LRRTM3: variants seen among roughly 807,000 people sequenced by gnomAD.
LRRTM3 encodes the protein leucine rich repeat transmembrane neuronal 3, also known as leucine-rich repeat transmembrane neuronal protein 3.
Under a neutral mutation model 44.7 loss-of-function variants are expected in LRRTM3, and 24 were observed. The observed-to-expected ratio is 0.54, with a 90% CI of 0.39 to 0.76. The LOEUF (loss-of-function observed/expected upper bound fraction) is 0.76. Ranked by LOEUF, LRRTM3 falls within the 30% of genes least tolerant of loss-of-function variation. The pLI is 0.00. For missense variants in LRRTM3, 587 were observed against 702.2 expected (o/e 0.84, Z 1.85); for synonymous variants, 277 against 278.7 (o/e 0.99, Z 0.06).
At chr10:67,039,828 G>A (rs1003086386) in intron 2 of LRRTM3, among the ~76,000 whole-genome samples, 6 of 152,104 alleles carry the variant, frequency 3.9e-5, no homozygotes, top group Non-Finnish European at 8.8e-5. Flanking sequence ...ATTATTGATT[G>A]CTATGTTATA....
At chr10:67,027,436 C>CTTTT (rs5785811) in intron 2 of LRRTM3, among the ~76,000 whole-genome samples, 46 of 134,350 alleles carry the variant, frequency 3.4e-4, no homozygotes, top group Middle Eastern at 4.0e-3. Context: ...TCTTTCATGA[C>CTTTT]TTTTTTTTTT....
intron 2 of LRRTM3, among the ~76,000 whole-genome samples, chr10:66,966,528 A>G (rs916311811): frequency 2.6e-5 from 4 of 151,310 alleles, no homozygotes; most frequent in African/African-American, 4.8e-5. Context: ...TCAAAGAAAT[A>G]GCTAAAAATG....
chr10:67,046,813 C>T (rs1036893991), intron 2 of LRRTM3, among the ~76,000 whole-genome samples: 2 of 152,052 alleles, frequency 1.3e-5, no homozygotes, highest in African/African-American at 4.8e-5. Flanking sequence ...GAATGCATGG[C>T]CCATAATCGA....
chr10:67,004,424 A>T (rs1851857818), intron 2 of LRRTM3, among the ~76,000 whole-genome samples: 1 of 152,244 alleles, frequency 6.6e-6, no homozygotes, highest in Non-Finnish European at 1.5e-5. Context: ...ATGATGACAC[A>T]TGTAAGGACA....
At chr10:66,987,465 A>G (rs1405194427) in intron 2 of LRRTM3, among the ~76,000 whole-genome samples, 1 of 152,168 alleles carries the variant, frequency 6.6e-6, no homozygotes, top group Admixed American at 6.6e-5. Context: ...TTGGGGTCTT[A>G]GCAATCCGAG....
At chr10:67,065,180 G>GA (rs1160233510) in intron 2 of LRRTM3, among the ~76,000 whole-genome samples, 2 of 151,818 alleles carry the variant, frequency 1.3e-5, no homozygotes, top group Non-Finnish European at 2.9e-5. Flanking sequence ...TTTTTTCCTA[G>GA]AAAAAAAGGG....
intron 2 of LRRTM3, among the ~76,000 whole-genome samples, chr10:66,969,593 T>C (rs1230765050): frequency 6.6e-6 from 1 of 152,152 alleles, no homozygotes; most frequent in Non-Finnish European, 1.5e-5. Context: ...ACTGTTTTCA[T>C]GATAATTTGT....
chr10:66,938,725 T>C (rs939405821), intron 2 of LRRTM3, among the ~76,000 whole-genome samples: 18 of 152,200 alleles, frequency 1.2e-4, no homozygotes, highest in African/African-American at 3.9e-4. Flanking sequence ...ATTGCTTGTG[T>C]GTTGTGAATA....
chr10:66,958,439 C>T (rs1848944308), intron 2 of LRRTM3, among the ~76,000 whole-genome samples: 1 of 136,742 alleles, frequency 7.3e-6, no homozygotes, highest in African/African-American at 2.8e-5. Flanking sequence ...TATAGTTCTG[C>T]CTTTGTAGAA....
chr10:67,017,089 T>C (rs1033361840), intron 2 of LRRTM3, among the ~76,000 whole-genome samples: 5 of 152,234 alleles, frequency 3.3e-5, no homozygotes, highest in Non-Finnish European at 2.9e-5. Flanking sequence ...CACAGATTTA[T>C]AGCTAATCAT....
At chr10:67,007,270 C>G (rs539758900) in intron 2 of LRRTM3, among the ~76,000 whole-genome samples, 1 of 152,188 alleles carries the variant, frequency 6.6e-6, no homozygotes, top group African/African-American at 2.4e-5. Flanking sequence ...CCATGTATTT[C>G]CAAGGAATTA....
chr10:66,972,052 T>A (rs1400288444), intron 2 of LRRTM3, among the ~76,000 whole-genome samples: 1 of 152,304 alleles, frequency 6.6e-6, no homozygotes, highest in African/African-American at 2.4e-5. Context: ...ACAGTCTTTA[T>A]AATATCTTGA....
chr10:67,028,536 C>T (rs1003633679), intron 2 of LRRTM3, among the ~76,000 whole-genome samples: 1 of 151,200 alleles, frequency 6.6e-6, no homozygotes, highest in South Asian at 2.1e-4. Flanking sequence ...TCAATGAAAT[C>T]GAGCAGACAT....
intron 2 of LRRTM3, among the ~76,000 whole-genome samples, chr10:66,975,140 T>G (rs2147883): frequency 0.94 from 142,909 of 152,188 alleles, 67,614 homozygotes; most frequent in East Asian, 1. Flanking sequence ...ATTTCAAAAA[T>G]CCTGCTTCAA....
intron 2 of LRRTM3, among the ~76,000 whole-genome samples, chr10:66,975,569 C>T (rs954025239): frequency 1.3e-5 from 2 of 152,170 alleles, no homozygotes; most frequent in African/African-American, 4.8e-5. Flanking sequence ...TTTGACTTAT[C>T]TTGCACTATC....
intron 2 of LRRTM3, among the ~76,000 whole-genome samples, chr10:67,029,545 T>C (rs1469261279): frequency 6.6e-6 from 1 of 152,196 alleles, no homozygotes; most frequent in African/African-American, 2.4e-5. Context: ...GCTATAGCAC[T>C]TAAGATTTTG....
intron 2 of LRRTM3, among the ~76,000 whole-genome samples, chr10:66,951,814 G>A (rs191022396): frequency 2.6e-5 from 4 of 152,220 alleles, no homozygotes; most frequent in Admixed American, 2.6e-4. Context: ...GTGGAGGTAG[G>A]GGATGCATAC....
intron 2 of LRRTM3, among the ~76,000 whole-genome samples, chr10:66,974,400 G>A (rs1469270969): frequency 6.6e-6 from 1 of 152,176 alleles, no homozygotes; most frequent in Non-Finnish European, 1.5e-5. Flanking sequence ...GCATTCACCT[G>A]TTGGTGTTGA....
intron 2 of LRRTM3, among the ~76,000 whole-genome samples, chr10:67,010,668 G>A (rs1852264435): frequency 6.6e-6 from 1 of 152,104 alleles, no homozygotes; most frequent in Admixed American, 6.6e-5. Flanking sequence ...TAGCTGCTAG[G>A]AATTTTCCAA....
Sources: gnomAD v4.1 joint callset for allele counts (sites outside exome capture counted in the v4.1 genomes callset) on GRCh38, gnomAD v4.1.1 for gene constraint, MANE v1.5 for transcripts, NCBI Gene and HGNC (gene_info 2026-07-23, HGNC 2026-07-21) for gene names.